The following HIPK3 variants were observed in gnomAD, a reference collection of about 807,000 sequenced individuals.
HIPK3 encodes the protein homeodomain interacting protein kinase 3.
In HIPK3, 47 loss-of-function variants were observed where a neutral mutation model predicts 124.2. The ratio of observed to expected loss-of-function variants is 0.38; its 90% CI spans 0.30 to 0.48. The LOEUF is 0.48. HIPK3 is among the 20% of genes least tolerant of loss of function. The pLI is 0.98. For missense variants in HIPK3, 1,286 were observed against 1,454.3 expected (o/e 0.88, Z 1.88); for synonymous variants, 482 against 515.2 (o/e 0.94, Z 0.87).
rs1349311050 is a variant in HIPK3 at position 33,349,129 on chromosome 11, C to T, written c.2667-18C>T. On this transcript the variant is annotated intron_variant, in intron 13 of 16. Transcript: ENST00000303296. ...TTCTTGTATTTGACTCATGTTTTTC[C>T]CTTTTCTCTTCCACTAGATGTAAAG... 1 of 1,604,552 alleles carries T rather than the reference C, an allele frequency of 6.2e-7. No homozygotes were observed. Among genetic ancestry groups the T allele is most frequent in the Non-Finnish European group, 8.5e-7 (1 of 1,175,596 alleles).
At chr11:33,281,344 C>T (rs1038818488) in intron 1 of HIPK3, among the ~76,000 whole-genome samples, 1 of 152,066 alleles carries the variant, frequency 6.6e-6, no homozygotes, top group Non-Finnish European at 1.5e-5. Context: ...ATAATGAACT[C>T]CAATATACCC....
Position 33,257,873 on chromosome 11 carries a change from C to G in HIPK3, c.-19C>G. ...CTGCGGCCGCCCGAAGAGGAGAGAG[C>G]GCGGGCCTCTAGGAAGGTAAGGGAG... On this transcript the variant is annotated 5_prime_UTR_variant, in exon 1 of 17. Transcript: ENST00000303296. 2.0e-6 allele frequency: 2 copies of G among 985,520 alleles called. No homozygotes were observed. The highest frequency in any genetic ancestry group is 2.4e-6 in the Non-Finnish European group (2 of 830,056). The allele number at this position is 985,520 out of a possible 1,614,324, so 61.0% of individuals were successfully genotyped here.
chr11:33,273,900 TTA>T (rs1851204811), intron 1 of HIPK3, among the ~76,000 whole-genome samples: 1 of 152,220 alleles, frequency 6.6e-6, no homozygotes, highest in Admixed American at 6.5e-5. Context: ...TGAAAAACTG[TTA>T]TGTGTCTGGC....
intron 2 of HIPK3, among the ~76,000 whole-genome samples, chr11:33,306,864 A>G (rs1198525155): frequency 6.6e-6 from 1 of 151,222 alleles, no homozygotes; most frequent in East Asian, 1.9e-4. Flanking sequence ...TTTTGGTATT[A>G]TGTGCTGCTG....
At chr11:33,262,167 A>G (rs982185547) in intron 1 of HIPK3, among the ~76,000 whole-genome samples, 1 of 152,218 alleles carries the variant, frequency 6.6e-6, no homozygotes, top group African/African-American at 2.4e-5. Context: ...GGCTTTTAGG[A>G]TAGTCAGTAC....
intron 2 of HIPK3, among the ~76,000 whole-genome samples, chr11:33,299,969 C>T (rs1565072519): frequency 7.2e-6 from 1 of 139,366 alleles, no homozygotes; most frequent in Non-Finnish European, 1.5e-5. Context: ...TTGCGGTGAG[C>T]AGAGACTGTG....
intron 1 of HIPK3, among the ~76,000 whole-genome samples, chr11:33,264,835 C>A (rs1850913210): frequency 6.6e-6 from 1 of 152,056 alleles, no homozygotes; most frequent in South Asian, 2.1e-4. Flanking sequence ...TAAATATTTC[C>A]TACCCTATAA....
chr11:33,303,682 A>C (rs937415203), intron 2 of HIPK3, among the ~76,000 whole-genome samples: 5 of 152,162 alleles, frequency 3.3e-5, no homozygotes, highest in African/African-American at 1.2e-4. Flanking sequence ...TTTCCTGTGA[A>C]TGGAATTCAG....
chr11:33,297,893 G>A (rs550079652), intron 2 of HIPK3, among the ~76,000 whole-genome samples: 12 of 148,352 alleles, frequency 8.1e-5, no homozygotes, highest in South Asian at 6.5e-4. Context: ...AGGTTCAAGC[G>A]ATTCTCCTAC....
At chr11:33,310,307 A>ATCT (rs59211221) in intron 2 of HIPK3, among the ~76,000 whole-genome samples, 1,975 of 38,050 alleles carry the variant, frequency 0.052, 50 homozygotes, top group African/African-American at 0.13. Flanking sequence ...CTATCTATCT[A>ATCT]ATCTATCTAT....
intron 2 of HIPK3, among the ~76,000 whole-genome samples, chr11:33,310,420 C>G (rs1233918790): frequency 6.6e-6 from 1 of 152,050 alleles, no homozygotes; most frequent in Non-Finnish European, 1.5e-5. Context: ...ATTCTCCTGC[C>G]TCTCAGCCTC....
At chr11:33,270,338 G>A (rs571513748) in intron 1 of HIPK3, among the ~76,000 whole-genome samples, 44 of 151,226 alleles carry the variant, frequency 2.9e-4, no homozygotes, top group African/African-American at 9.0e-4. Context: ...TTTTTGAGAC[G>A]GAGTCTGTCA....
At chr11:33,298,757 G>T (rs1255538326) in intron 2 of HIPK3, among the ~76,000 whole-genome samples, 1 of 152,186 alleles carries the variant, frequency 6.6e-6, no homozygotes, top group African/African-American at 2.4e-5. Context: ...AGTAGAATTA[G>T]AAGTGGAGTT....
At chr11:33,258,644 G>A in intron 1 of HIPK3, 1 of 985,410 alleles carries the variant, frequency 1.0e-6, no homozygotes, top group Non-Finnish European at 1.2e-6. Flanking sequence ...GACTTTGGAT[G>A]AAAATGTCTG....
intron 1 of HIPK3, among the ~76,000 whole-genome samples, chr11:33,282,093 T>C (rs913123292): frequency 1.3e-5 from 2 of 152,172 alleles, no homozygotes; most frequent in African/African-American, 4.8e-5. Flanking sequence ...GTTTTAAAAT[T>C]TATCTGTTGG....
At chr11:33,292,693 A>G (rs763061724) in intron 2 of HIPK3, among the ~76,000 whole-genome samples, 13 of 152,190 alleles carry the variant, frequency 8.5e-5, no homozygotes, top group South Asian at 2.1e-4. Flanking sequence ...AAGATTGTCA[A>G]TTGAGTTTAG....
At position 33,356,694 on chromosome 11, in the gene HIPK3, G is replaced by A. The variant is rs908819688; in HGVS notation, c.*3126G>A. ...CAGATTTGATTACTAAGTTTGAACTGTTAATTGTTTAACAATTTTAGACTT... is the reference window on the plus strand; with the variant it reads ...CAGATTTGATTACTAAGTTTGAACTATTAATTGTTTAACAATTTTAGACTT... On this transcript the variant is annotated 3_prime_UTR_variant, in exon 17 of 17. Transcript: ENST00000303296. 1 of 152,018 alleles carries A rather than the reference G, an allele frequency of 6.6e-6. No individual in the cohort carries two copies. The highest frequency in any genetic ancestry group is 2.4e-5 in the African/African-American group (1 of 41,404). 9.4% of individuals were successfully genotyped at this position (152,018 alleles called of 1,614,324 possible). A position where few individuals can be genotyped will look rare whatever the true frequency, so the allele number is the denominator to read the frequency against.
intron 4 of HIPK3, among the ~76,000 whole-genome samples, chr11:33,338,296 C>T (rs572968920): frequency 5.9e-5 from 9 of 152,040 alleles, no homozygotes; most frequent in Middle Eastern, 3.4e-3. Flanking sequence ...TGCAGTGGCG[C>T]GATCTTGGTT....
At chr11:33,348,896 AT>A (rs1853577833) in intron 13 of HIPK3, 78 bp downstream of exon 13, 2 of 1,356,582 alleles carry the variant, frequency 1.5e-6, no homozygotes, top group Admixed American at 4.4e-5. Context: ...TCTGTGACTT[AT>A]TTCTTGTTTG....
Sources: gnomAD v4.1 joint callset for allele counts (sites outside exome capture counted in the v4.1 genomes callset) on GRCh38, gnomAD v4.1.1 for gene constraint, MANE v1.5 for transcripts, NCBI Gene and HGNC (gene_info 2026-07-23, HGNC 2026-07-21) for gene names.